The following RGSL1 variants were observed in gnomAD, a reference collection of about 807,000 sequenced individuals.
The protein encoded by RGSL1 is regulator of G protein signaling like 1, also known as regulator of G protein signaling protein-like.
A neutral mutation model predicts 124.7 loss-of-function variants in RGSL1; 97 were observed. That is an observed-to-expected ratio of 0.78 (90% CI 0.66 to 0.92). The LOEUF (loss-of-function observed/expected upper bound fraction) is 0.92. RGSL1 is among the 40% of genes least tolerant of loss of function. The pLI, the probability that RGSL1 is intolerant of heterozygous loss-of-function variation, is 0.00. For missense variants in RGSL1, 1,233 were observed against 1,288.4 expected, an observed-to-expected ratio of 0.96 and a Z score of 0.66; for synonymous variants, 424 against 438.1, an observed-to-expected ratio of 0.97 and a Z score of 0.40.
chr1:182,510,962 G>A (rs1657406313), intron 9 of RGSL1, among the ~76,000 whole-genome samples: 1 of 152,022 alleles, frequency 6.6e-6, no homozygotes, highest in South Asian at 2.1e-4. Context: ...TATTTTGGTT[G>A]CTGGTGCTTT....
At position 182,548,370 on chromosome 1, in the gene RGSL1, A is replaced by G; in HGVS notation, c.2723A>G (p.Asn908Ser). The change falls in exon 16 of 22, where the codon AAT (asparagine) becomes AGT (serine). Residue 908 changes from asparagine to serine, a missense_variant. Transcript: ENST00000294854. ...AHMLQVNRAY[N>S]ENDVILMRSK... ...ATGCTGCAGGTCAACCGGGCATATAATGAGAATGATGTGATCCTAATGCGG... is the reference window on the plus strand; with the variant it reads ...ATGCTGCAGGTCAACCGGGCATATAGTGAGAATGATGTGATCCTAATGCGG... The G allele has an allele frequency of 6.4e-7, 1 of 1,552,002 alleles. No individual in the cohort carries two copies. The highest frequency in any genetic ancestry group is 8.7e-7 in the Non-Finnish European group (1 of 1,147,044).
chr1:182,554,995 T>G, intron 20 of RGSL1: 1 of 348,046 alleles, frequency 2.9e-6, no homozygotes, highest in Admixed American at 4.1e-5. Context: ...TATTTTTCAT[T>G]TTTATAGATT....
At chr1:182,549,476 TA>T (rs1660426885) in intron 17 of RGSL1, 1 of 152,638 alleles carries the variant, frequency 6.6e-6, no homozygotes, top group South Asian at 2.1e-4. Context: ...CACTTGTTTC[TA>T]ACCTGTCCTG....
intron 14 of RGSL1, among the ~76,000 whole-genome samples, chr1:182,539,162 C>A (rs1659733037): frequency 6.6e-6 from 1 of 152,194 alleles, no homozygotes; most frequent in Non-Finnish European, 1.5e-5. Context: ...TCCCCCTCTA[C>A]CACCAGAGCC....
At chr1:182,509,567 G>T (rs1335610963) in intron 9 of RGSL1, among the ~76,000 whole-genome samples, 3 of 125,150 alleles carry the variant, frequency 2.4e-5, no homozygotes, top group Admixed American at 1.5e-4. Flanking sequence ...CCTCCCGGAC[G>T]GGGTGGCTGG....
intron 4 of RGSL1, among the ~76,000 whole-genome samples, chr1:182,463,651 A>C (rs1012587670): frequency 1.3e-5 from 2 of 152,244 alleles, no homozygotes; most frequent in Non-Finnish European, 2.9e-5. Context: ...TGCAAGTTTC[A>C]ACATATCAAG....
chr1:182,523,726 AT>A (rs1315149504), intron 10 of RGSL1, among the ~76,000 whole-genome samples: 2 of 152,196 alleles, frequency 1.3e-5, no homozygotes, highest in South Asian at 2.1e-4. Context: ...ATGACTATTG[AT>A]TATATACTGT....
chr1:182,531,299 C>T (rs1344162367), intron 13 of RGSL1, among the ~76,000 whole-genome samples: 1 of 152,166 alleles, frequency 6.6e-6, no homozygotes, highest in Admixed American at 6.6e-5. Context: ...AAGTGTCTTG[C>T]AGACAAACAA....
intron 11 of RGSL1, 145 bp downstream of exon 11, chr1:182,527,917 G>A (rs940830054): frequency 8.3e-6 from 5 of 603,580 alleles, no homozygotes; most frequent in Admixed American, 3.2e-5. Context: ...CAGATTAAGA[G>A]GGTAGGCAAA....
At chr1:182,515,378 C>T (rs1657786046) in intron 9 of RGSL1, among the ~76,000 whole-genome samples, 1 of 151,896 alleles carries the variant, frequency 6.6e-6, no homozygotes, top group African/African-American at 2.4e-5. Context: ...AGCCTGGAAT[C>T]GAGTTTGGGA....
At chr1:182,518,603 T>G (rs1361322686) in intron 9 of RGSL1, among the ~76,000 whole-genome samples, 2 of 152,180 alleles carry the variant, frequency 1.3e-5, no homozygotes, top group African/African-American at 4.8e-5. Flanking sequence ...ATGCTTCCCC[T>G]GCCAGAAAAC....
chr1:182,506,661 G>A (rs776488140), intron 9 of RGSL1, among the ~76,000 whole-genome samples: 43 of 152,092 alleles, frequency 2.8e-4, no homozygotes, highest in Non-Finnish European at 5.9e-4. Flanking sequence ...AATCCAATCT[G>A]ACAATTGCCT....
At chr1:182,528,105 C>T (rs1375269531) in intron 11 of RGSL1, among the ~76,000 whole-genome samples, 1 of 152,106 alleles carries the variant, frequency 6.6e-6, no homozygotes, top group East Asian at 1.9e-4. Context: ...GCAGAAGGCA[C>T]CTCTTCATGG....
intron 8 of RGSL1, 115 bp downstream of exon 8, chr1:182,489,317 T>A: frequency 1.1e-6 from 1 of 941,668 alleles, no homozygotes; most frequent in Non-Finnish European, 1.6e-6. Context: ...AGGGATTACC[T>A]AATTTGGTCA....
rs1053883474 is a variant in RGSL1 at position 182,530,246 on chromosome 1, G to T, written c.2128G>T (p.Glu710Ter). ...TFFQGQLSPE[E>*]MLQCDAPIIK... The stretch of plus-strand genomic sequence containing the variant: ...CTTTTCTCTCTTGCATTTTCTAGAA[G>T]AAATGCTGCAGTGTGATGCCCCTAT... Residue 710 changes from glutamate (E) to a stop codon, truncating the protein, a stop_gained and splice_region_variant, in exon 12 of 22, where the codon GAA becomes TAA. Transcript: ENST00000294854. LOFTEE classifies it high-confidence loss of function. 3.2e-6 allele frequency: 5 copies of T among 1,546,592 alleles called. No homozygotes were observed. In the African/African-American group the frequency reaches 6.9e-5, roughly 21 times the overall value.
chr1:182,521,865 A>G, intron 9 of RGSL1, 139 bp from the exon 10 acceptor site: 2 of 604,894 alleles, frequency 3.3e-6, no homozygotes, highest in Non-Finnish European at 5.8e-6. Flanking sequence ...ACACTAGATG[A>G]ACTTAACCTG....
chr1:182,526,753 G>A (rs1199545615), intron 10 of RGSL1, among the ~76,000 whole-genome samples: 1 of 152,056 alleles, frequency 6.6e-6, no homozygotes, highest in Non-Finnish European at 1.5e-5. Flanking sequence ...TATCTCAATT[G>A]ATGTAGAAAA....
At chr1:182,453,068 C>A (rs942174960) in intron 1 of RGSL1, among the ~76,000 whole-genome samples, 2 of 152,160 alleles carry the variant, frequency 1.3e-5, no homozygotes, top group African/African-American at 2.4e-5. Context: ...CTCTTATTTA[C>A]TAGAGGAGTT....
intron 21 of RGSL1, among the ~76,000 whole-genome samples, chr1:182,559,029 C>T (rs1661020239): frequency 2.0e-5 from 3 of 152,142 alleles, no homozygotes; most frequent in Non-Finnish European, 4.4e-5. Context: ...TTATTGCCTC[C>T]TAGAGACTTG....
Sources: allele counts gnomAD v4.1 joint callset (sites outside exome capture counted in the v4.1 genomes callset), GRCh38; gene constraint gnomAD v4.1.1; transcripts MANE v1.5; gene names NCBI Gene and HGNC (gene_info 2026-07-23, HGNC 2026-07-21).